TNNI3K: variants seen among roughly 807,000 people sequenced by gnomAD.
TNNI3K encodes TNNI3 interacting kinase, also known as serine/threonine-protein kinase TNNI3K.
TNNI3K carries 140 observed loss-of-function variants against 114.5 expected under a neutral mutation model. That is an observed-to-expected ratio of 1.22 (90% CI 1.07 to 1.41). TNNI3K has a LOEUF of 1.41. Among genes scored for constraint, TNNI3K ranks in the 40% most tolerant of loss-of-function variants. TNNI3K has a pLI of 0.00. For missense variants in TNNI3K, 1,125 were observed against 1,007.6 expected, an observed-to-expected ratio of 1.12 and a Z score of -1.58; for synonymous variants, 347 against 347.5, an observed-to-expected ratio of 1.00 and a Z score of 0.02.
At chr1:74,459,733 C>T (rs1667367805) in intron 20 of TNNI3K, among the ~76,000 whole-genome samples, 4 of 152,172 alleles carry the variant, frequency 2.6e-5, no homozygotes, top group Admixed American at 2.6e-4. Flanking sequence ...TAGCTTTTCA[C>T]TGGTCTATCA....
At chr1:74,449,300 G>A (rs796456447) in intron 20 of TNNI3K, among the ~76,000 whole-genome samples, 3 of 150,880 alleles carry the variant, frequency 2.0e-5, no homozygotes, top group East Asian at 2.0e-4. Flanking sequence ...CTGTGGGATC[G>A]GTGGTGATAT....
chr1:74,319,171 C>G (rs1659476156), intron 5 of TNNI3K, among the ~76,000 whole-genome samples: 1 of 152,178 alleles, frequency 6.6e-6, no homozygotes, highest in African/African-American at 2.4e-5. Context: ...AGATAATCCA[C>G]TTCCATGCTT....
At chr1:74,336,209 G>T in intron 7 of TNNI3K, 60 bp downstream of exon 7, 1 of 1,535,202 alleles carries the variant, frequency 6.5e-7, no homozygotes, top group Non-Finnish European at 8.7e-7. Flanking sequence ...CCTTTTACTT[G>T]TACTTCTCTT....
At chr1:74,291,854 T>TA (rs1336385426) in intron 5 of TNNI3K, among the ~76,000 whole-genome samples, 1 of 151,578 alleles carries the variant, frequency 6.6e-6, no homozygotes, top group Non-Finnish European at 1.5e-5. Flanking sequence ...GGGTTTAACT[T>TA]AATTTTTTGA....
At chr1:74,471,903 G>C (rs753745222) in intron 21 of TNNI3K, 3 of 505,892 alleles carry the variant, frequency 5.9e-6, no homozygotes, top group Non-Finnish European at 1.1e-5. Flanking sequence ...CATATTTACA[G>C]ATAAGAGAAT....
intron 5 of TNNI3K, among the ~76,000 whole-genome samples, chr1:74,277,558 G>A (rs1043454033): frequency 2.6e-5 from 4 of 152,152 alleles, no homozygotes; most frequent in African/African-American, 9.7e-5. Flanking sequence ...GAAGTATAAT[G>A]TAGGTATATG....
At chr1:74,365,189 C>A (rs1026530557) in intron 11 of TNNI3K, among the ~76,000 whole-genome samples, 9 of 152,040 alleles carry the variant, frequency 5.9e-5, no homozygotes, top group African/African-American at 2.2e-4. Context: ...AACAATCTTA[C>A]AAGGGTGGAT....
intron 21 of TNNI3K, among the ~76,000 whole-genome samples, chr1:74,487,436 T>A (rs912522895): frequency 6.6e-6 from 1 of 152,142 alleles, no homozygotes; most frequent in African/African-American, 2.4e-5. Context: ...TGTAATAGGC[T>A]CTCTGAATAG....
At chr1:74,471,197 G>A (rs1667916397) in intron 21 of TNNI3K, 1 of 400,606 alleles carries the variant, frequency 2.5e-6, no homozygotes, top group Admixed American at 4.4e-5. Context: ...TTAGCACTGA[G>A]CAGGGGGGCA....
chr1:74,530,266 A>T (rs1646564123), intron 23 of TNNI3K, among the ~76,000 whole-genome samples: 1 of 152,232 alleles, frequency 6.6e-6, no homozygotes, highest in Non-Finnish European at 1.5e-5. Flanking sequence ...AGAGATAGGG[A>T]TATAGCCATA....
At chr1:74,257,206 T>A (rs1407791244) in intron 4 of TNNI3K, among the ~76,000 whole-genome samples, 1 of 152,176 alleles carries the variant, frequency 6.6e-6, no homozygotes, top group African/African-American at 2.4e-5. Context: ...TGTTTACTTT[T>A]CCGTTCTAGG....
chr1:74,299,597 T>G (rs1037001449), intron 5 of TNNI3K, among the ~76,000 whole-genome samples: 1 of 152,120 alleles, frequency 6.6e-6, no homozygotes, highest in African/African-American at 2.4e-5. Flanking sequence ...TTATCATAAC[T>G]GCAAAGATAG....
intron 17 of TNNI3K, among the ~76,000 whole-genome samples, chr1:74,397,945 C>T (rs1048473172): frequency 6.6e-5 from 10 of 152,210 alleles, no homozygotes; most frequent in African/African-American, 2.2e-4. Flanking sequence ...TGGAGTGCTA[C>T]ACACCTTTGG....
At chr1:74,285,893 A>G (rs1657302279) in intron 5 of TNNI3K, among the ~76,000 whole-genome samples, 1 of 152,222 alleles carries the variant, frequency 6.6e-6, no homozygotes, top group African/African-American at 2.4e-5. Context: ...TATAAAAAGT[A>G]TCACAGCCTT....
At position 74,370,376 on chromosome 1, in the gene TNNI3K, C is replaced by G; in HGVS notation, c.1756C>G (p.His586Asp). 6.2e-7 allele frequency: 1 copy of G among 1,606,048 alleles called. No individual in the cohort carries two copies. Among genetic ancestry groups the G allele is most frequent in the Non-Finnish European group, 8.5e-7 (1 of 1,175,254 alleles). ...TCACAACCTGACACAGCCAATTATA[C>G]ATCGTGACTTGAACAGGTATTTTTT... ...YLHNLTQPII[H>D]RDLNSHNILL... Residue 586 changes from histidine to aspartate, a missense_variant, in exon 17 of 25, where the codon CAT becomes GAT. Coordinates refer to ENST00000326637, the MANE Select transcript of TNNI3K (RefSeq NM_015978.3).
chr1:74,244,768 GGT>G (rs1654452784), intron 2 of TNNI3K, among the ~76,000 whole-genome samples: 1 of 151,340 alleles, frequency 6.6e-6, no homozygotes, highest in African/African-American at 2.4e-5. Flanking sequence ...GTGTTTAGCA[GGT>G]GTTGTGCCAG....
chr1:74,394,246 G>GT (rs1663955099), intron 17 of TNNI3K, among the ~76,000 whole-genome samples: 1 of 152,120 alleles, frequency 6.6e-6, no homozygotes, highest in Non-Finnish European at 1.5e-5. Context: ...CAAATCAGTG[G>GT]TTAGAAAGCT....
chr1:74,425,135 G>C (rs1274518389), intron 17 of TNNI3K, among the ~76,000 whole-genome samples: 1 of 152,072 alleles, frequency 6.6e-6, no homozygotes, highest in African/African-American at 2.4e-5. Flanking sequence ...GGTGTGAGTA[G>C]AGCTTCAGGC....
chr1:74,266,801 T>A (rs1301653033), intron 4 of TNNI3K, among the ~76,000 whole-genome samples: 1 of 151,982 alleles, frequency 6.6e-6, no homozygotes, highest in African/African-American at 2.4e-5. Flanking sequence ...TAGAGTTTTA[T>A]GGCTAGTACA....
Sources: gnomAD v4.1 joint callset for allele counts (sites outside exome capture counted in the v4.1 genomes callset) on GRCh38, gnomAD v4.1.1 for gene constraint, MANE v1.5 for transcripts, NCBI Gene and HGNC (gene_info 2026-07-23, HGNC 2026-07-21) for gene names.